GTF3C3: variants seen among roughly 807,000 people sequenced by gnomAD.
The protein encoded by GTF3C3 is general transcription factor IIIC subunit 3.
In GTF3C3, 75 loss-of-function variants were observed where a neutral mutation model predicts 105.2. The ratio of observed to expected loss-of-function variants is 0.71; its 90% CI spans 0.59 to 0.86. The LOEUF is 0.86. Ranked by LOEUF, GTF3C3 falls within the 40% of genes least tolerant of loss-of-function variation. GTF3C3 has a pLI of 0.00. For missense variants in GTF3C3, 856 were observed against 1,076.5 expected, an observed-to-expected ratio of 0.80 and a Z score of 2.87; for synonymous variants, 335 against 370.4, an observed-to-expected ratio of 0.90 and a Z score of 1.10.
intron 9 of GTF3C3, chr2:196,780,263 T>C (rs1465388369): frequency 4.9e-6 from 5 of 1,022,106 alleles, no homozygotes; most frequent in Non-Finnish European, 6.0e-6. Flanking sequence ...CAAAAAAGAA[T>C]AGCTGTCAGA....
intron 16 of GTF3C3, 43 bp downstream of exon 16, chr2:196,769,872 T>C: frequency 6.5e-7 from 1 of 1,533,146 alleles, no homozygotes; most frequent in African/African-American, 1.4e-5. Context: ...TATTCATTTT[T>C]AAGAAACATA....
Position 196,776,472 on chromosome 2 carries a change from C to T in GTF3C3, c.1548G>A (p.Met516Ile). The T allele has an allele frequency of 6.2e-7, 1 of 1,614,140 alleles. No homozygotes were observed. Among genetic ancestry groups the T allele is most frequent in the Non-Finnish European group, 8.5e-7 (1 of 1,179,996 alleles). ...CCTGTGCTAAAGTATCTGGATCATA[C>T]ATTGGTTCCAGAGCTTCCAGAGCTT... ...PEKALEALEP[M>I]YDPDTLAQDA... The change falls in exon 11 of 18, where the codon ATG (methionine) becomes ATA (isoleucine). Residue 516 changes from methionine to isoleucine, a missense_variant. Physicochemically the swap from Met to Ile is conservative, Grantham distance 10. Around this residue, in one of 3 missense-constraint regions of GTF3C3, gnomAD observed 605 missense variants for 833.6 expected, o/e 0.73. Coordinates refer to ENST00000263956, the MANE Select transcript of GTF3C3 (RefSeq NM_012086.5). This position sits in a 1 kb window ranked among gnomAD's most constrained non-coding sequence, Gnocchi z 4.5.
intron 14 of GTF3C3, among the ~76,000 whole-genome samples, chr2:196,772,279 C>T (rs1329746695): frequency 6.6e-6 from 1 of 152,188 alleles, no homozygotes; most frequent in African/African-American, 2.4e-5. Context: ...AGGCATTGGC[C>T]GGGCACCGTG....
Position 196,776,239 on chromosome 2 carries a change from C to A in GTF3C3, c.1594-128G>T. The stretch of plus-strand genomic sequence containing the variant: ...ATGGTCTTTCACAATAATTAAGAGC[C>A]AATATTTTAAAACTATAATTTGTAA... On this transcript the variant is annotated intron_variant, in intron 11 of 17. Coordinates refer to ENST00000263956, the MANE Select transcript of GTF3C3 (RefSeq NM_012086.5). This position sits in a 1 kb window ranked among gnomAD's most constrained non-coding sequence, Gnocchi z 4.5. 1 of 689,946 alleles carries A rather than the reference C, an allele frequency of 1.4e-6. No homozygotes were observed. Among genetic ancestry groups the A allele is most frequent in the Non-Finnish European group, 2.4e-6 (1 of 409,642 alleles). The allele number at this position is 689,946 out of a possible 1,614,324, so 42.7% of individuals were successfully genotyped here. A position where few individuals can be genotyped will look rare whatever the true frequency, so the allele number is the denominator to read the frequency against.
Position 196,776,148 on chromosome 2 carries a change from A to AT in GTF3C3, c.1594-38dup. On this transcript the variant is annotated intron_variant, in intron 11 of 17. Coordinates refer to ENST00000263956, the MANE Select transcript of GTF3C3 (RefSeq NM_012086.5). The surrounding 1 kb of genome is among the most constrained non-coding windows in gnomAD (Gnocchi z 4.5). ...AGCACATGATGATGAGCCTAACAAG[A>AT]TTCCTTTTCTACAAATTGTTTTATT... 1 of 1,068,330 alleles carries AT rather than the reference A, an allele frequency of 9.4e-7. No individual in the cohort carries two copies. Among genetic ancestry groups the AT allele is most frequent in the Non-Finnish European group, 1.4e-6 (1 of 716,382 alleles). 66.2% of individuals were successfully genotyped at this position (1,068,330 alleles called of 1,614,324 possible).
chr2:196,795,442 T>C (rs1464803556), intron 2 of GTF3C3, among the ~76,000 whole-genome samples: 1 of 152,204 alleles, frequency 6.6e-6, no homozygotes, highest in Admixed American at 6.5e-5. Context: ...TTCTGAGCAA[T>C]AAATATTATT....
At chr2:196,796,882 C>T (rs575104388) in intron 2 of GTF3C3, among the ~76,000 whole-genome samples, 1 of 152,330 alleles carries the variant, frequency 6.6e-6, no homozygotes, top group South Asian at 2.1e-4. Context: ...TTCCACCCCA[C>T]TTTCCTGGCA....
intron 16 of GTF3C3, 103 bp downstream of exon 16, chr2:196,769,812 A>C (rs1428710914): frequency 3.3e-6 from 3 of 898,804 alleles, no homozygotes; most frequent in Non-Finnish European, 5.2e-6. Context: ...GTGTACTGAG[A>C]GCATTGTGTA....
intron 8 of GTF3C3, among the ~76,000 whole-genome samples, chr2:196,781,357 AATATATATATATAT>A (rs1553578901): frequency 1.1e-4 from 2 of 18,812 alleles, no homozygotes; most frequent in African/African-American, 1.0e-4. Flanking sequence ...AAAAAAAAAA[AATATATATATATAT>A]ATATATATAT....
chr2:196,765,220 T>C (rs1699040580), intron 17 of GTF3C3, among the ~76,000 whole-genome samples: 1 of 152,182 alleles, frequency 6.6e-6, no homozygotes, highest in Non-Finnish European at 1.5e-5. Flanking sequence ...AGGGGTATTA[T>C]AGTTTTTCCC....
rs774028569 is a variant in GTF3C3 at position 196,789,936 on chromosome 2, C to T, written c.670G>A (p.Ala224Thr). The T allele has an allele frequency of 1.9e-6, 3 of 1,612,240 alleles. No individual in the cohort carries two copies. Among genetic ancestry groups the T allele is most frequent in the Admixed American group, 3.3e-5 (2 of 59,704 alleles). ...TTGTCTTGTTCCAGAGACATTTCTG[C>T]CAGTCTAACCCATTCTTCTGTGTCA... The part of the protein sequence containing the change: ...PSDTEEWVRL[A>T]EMSLEQDNIK... The change falls in exon 5 of 18, where the codon GCA (alanine) becomes ACA (threonine). Residue 224 changes from alanine to threonine, a missense_variant. Around this residue, in one of 3 missense-constraint regions of GTF3C3, gnomAD observed 605 missense variants for 833.6 expected, o/e 0.73. Coordinates refer to ENST00000263956, the MANE Select transcript of GTF3C3 (RefSeq NM_012086.5).
chr2:196,765,798 C>T (rs1699053840), intron 17 of GTF3C3, among the ~76,000 whole-genome samples: 1 of 151,556 alleles, frequency 6.6e-6, no homozygotes, highest in African/African-American at 2.4e-5. Context: ...ATCACAAGGT[C>T]AGGAGATCGA....
intron 16 of GTF3C3, among the ~76,000 whole-genome samples, chr2:196,769,286 CTTTT>C (rs1405259965): frequency 6.6e-6 from 1 of 152,134 alleles, no homozygotes; most frequent in African/African-American, 2.4e-5. Context: ...CATTTTCTTT[CTTTT>C]CTCACCTACT....
In GTF3C3 at chr2:196,764,136, C is replaced by T. The variant is rs1206946730; in HGVS notation, c.*427G>A. The T allele has an allele frequency of 6.5e-6, 1 of 152,742 alleles. No homozygotes were observed. Among genetic ancestry groups the T allele is most frequent in the Admixed American group, 6.5e-5 (1 of 15,332 alleles). 9.5% of individuals were successfully genotyped at this position (152,742 alleles called of 1,614,324 possible). On this transcript the variant is annotated 3_prime_UTR_variant, in exon 18 of 18. Coordinates refer to ENST00000263956, the MANE Select transcript of GTF3C3 (RefSeq NM_012086.5). ...TGCTTAGTTATCATGGTCATGACAT[C>T]ATAAAGAGTCCCACTTTGTCTTTCC...
At chr2:196,774,608 A>G (rs1308413378) in intron 13 of GTF3C3, among the ~76,000 whole-genome samples, 1 of 152,244 alleles carries the variant, frequency 6.6e-6, no homozygotes, top group Non-Finnish European at 1.5e-5. Flanking sequence ...CAGATCACAC[A>G]GGGAGAAAAA....
chr2:196,789,868 A>AT lies in GTF3C3; in HGVS notation c.727+10dup. 6.6e-7 allele frequency: 1 copy of AT among 1,511,366 alleles called. No individual in the cohort carries two copies. The highest frequency in any genetic ancestry group is 8.9e-7 in the Non-Finnish European group (1 of 1,127,232). The allele number at this position is 1,511,366 out of a possible 1,614,324, so 93.6% of individuals were successfully genotyped here. A position where few individuals can be genotyped will look rare whatever the true frequency, so the allele number is the denominator to read the frequency against. ...CTTGTAAAAGTGAAAAAAAAAAAAA[A>AT]TTTTAATTACCTTTTGTATAGCAAA... On this transcript the variant is annotated intron_variant, in intron 5 of 17. Coordinates refer to ENST00000263956, the MANE Select transcript of GTF3C3 (RefSeq NM_012086.5).
At chr2:196,774,668 T>C (rs1408427909) in intron 13 of GTF3C3, among the ~76,000 whole-genome samples, 1 of 152,218 alleles carries the variant, frequency 6.6e-6, no homozygotes, top group Non-Finnish European at 1.5e-5. Context: ...AGGTAGAATC[T>C]GTAGTCTTTT....
rs747357097 is a variant in GTF3C3, at chr2:196,790,073, A to G, written c.536-3T>C. ...GAATGGCTCATAAGCCAGAGGAGCT[A>G]TAACAAATTAAAAAAATAAATTCCA... On this transcript the variant is annotated splice_polypyrimidine_tract_variant and splice_region_variant and intron_variant, in intron 4 of 17. Transcript: ENST00000263956. The G allele has an allele frequency of 1.9e-6, 3 of 1,579,856 alleles. No homozygotes were observed. Among genetic ancestry groups the G allele is most frequent in the Admixed American group, 1.9e-5 (1 of 53,022 alleles).
chr2:196,777,312 T>C (rs1487097426), intron 10 of GTF3C3, among the ~76,000 whole-genome samples: 3 of 152,166 alleles, frequency 2.0e-5, no homozygotes, highest in Non-Finnish European at 2.9e-5. Context: ...CTCCCAAGTT[T>C]TGTGATCCCC....
Sources: allele counts gnomAD v4.1 joint callset (sites outside exome capture counted in the v4.1 genomes callset), GRCh38; gene constraint gnomAD v4.1.1; regional missense constraint gnomAD v4.1.1; non-coding constraint Gnocchi (gnomAD v3.1); transcripts MANE v1.5; gene names NCBI Gene and HGNC (gene_info 2026-07-23, HGNC 2026-07-21).